Variants in TSEN15 observed in about 807,000 individuals in gnomAD.
TSEN15 encodes the protein tRNA splicing endonuclease subunit 15.
A neutral mutation model predicts 20.5 loss-of-function variants in TSEN15; 10 were observed. That is an observed-to-expected ratio of 0.49 (90% confidence interval 0.30 to 0.83). The LOEUF is 0.83. TSEN15 is among the 40% of genes least tolerant of loss of function. The probability of loss-of-function intolerance (pLI) is 0.06; values close to 1 mark genes in which losing one functional copy is unlikely to be tolerated. For missense variants in TSEN15, 180 were observed against 218.6 expected (o/e 0.82, Z 1.11); for synonymous variants, 72 against 80.1 (o/e 0.90, Z 0.54).
downstream of TSEN15, among the ~76,000 whole-genome samples, chr1:184,075,894 A>T (rs998188729): frequency 2.4e-4 from 29 of 123,196 alleles, no homozygotes; most frequent in Non-Finnish European, 4.3e-4. Context: ...GGTGGGTTTT[A>T]TATATATATA....
At chr1:184,080,145 G>T (rs1268475768) in intron 3 of TSEN15, among the ~76,000 whole-genome samples, 1 of 152,044 alleles carries the variant, frequency 6.6e-6, no homozygotes, top group Admixed American at 6.6e-5. Context: ...GAAAATCTAG[G>T]TACAAAATAA....
intron 3 of TSEN15, among the ~76,000 whole-genome samples, chr1:184,080,757 A>G (rs1014456597): frequency 6.6e-6 from 1 of 152,162 alleles, no homozygotes; most frequent in Non-Finnish European, 1.5e-5. Flanking sequence ...TTGACACTAA[A>G]TTTTGTGCTG....
At chr1:184,055,759 A>G (rs1269292170) in intron 3 of TSEN15, among the ~76,000 whole-genome samples, 2 of 152,134 alleles carry the variant, frequency 1.3e-5, no homozygotes, top group African/African-American at 2.4e-5. Context: ...TACTCTCATT[A>G]TTAGTTCATG....
At chr1:184,066,625 C>T (rs1650672034) in intron 3 of TSEN15, among the ~76,000 whole-genome samples, 1 of 152,126 alleles carries the variant, frequency 6.6e-6, no homozygotes, top group African/African-American at 2.4e-5. Context: ...AGGCTGGTCT[C>T]AAACTCCTAA....
chr1:184,078,777 ATTTTTAT>A (rs1651110496), downstream of TSEN15, among the ~76,000 whole-genome samples: 1 of 152,132 alleles, frequency 6.6e-6, no homozygotes, highest in Non-Finnish European at 1.5e-5. Flanking sequence ...CAGCATTTTT[ATTTTTAT>A]TTTTTATTTT....
intron 3 of TSEN15, among the ~76,000 whole-genome samples, chr1:184,085,357 G>C (rs1651241566): frequency 6.6e-6 from 1 of 152,106 alleles, no homozygotes. Context: ...TATTACAGTG[G>C]GGGATATAAG....
At chr1:184,051,971 T>G in intron 1 of TSEN15, 81 bp downstream of exon 1, 1 of 1,296,590 alleles carries the variant, frequency 7.7e-7, no homozygotes, top group Non-Finnish European at 9.9e-7. Context: ...TCTTTCTTTC[T>G]TCCTCAGTGG....
intron 3 of TSEN15, among the ~76,000 whole-genome samples, chr1:184,080,053 C>T (rs2102900587): frequency 6.6e-6 from 1 of 152,114 alleles, no homozygotes; most frequent in South Asian, 2.1e-4. Flanking sequence ...ATTATTTGTC[C>T]CAAAGTACTC....
At chr1:184,052,188 G>A (rs889387978) in intron 1 of TSEN15, among the ~76,000 whole-genome samples, 2 of 152,168 alleles carry the variant, frequency 1.3e-5, no homozygotes, top group East Asian at 1.9e-4. Flanking sequence ...TGCTGTCTAG[G>A]TAAATCCCCT....
intron 3 of TSEN15, among the ~76,000 whole-genome samples, chr1:184,061,666 A>G (rs1334589591): frequency 6.6e-6 from 1 of 152,056 alleles, no homozygotes; most frequent in African/African-American, 2.4e-5. Flanking sequence ...ATGGTTTATT[A>G]TTTATTTTAT....
rs547839089 is a variant in TSEN15, at chr1:184,084,421, A to ATATTATCCATAAATCCTTTTGAT, written c.354-11221_354-11199dup. Among the ~76,000 whole-genome samples the ATATTATCCATAAATCCTTTTGAT allele has an allele frequency of 1.7e-3, 263 of 151,086 alleles. 7 individuals carry two copies. The highest frequency in any genetic ancestry group is 5.9e-3 in the African/African-American group (242 of 40,920). The stretch of plus-strand genomic sequence containing the variant: ...CCATCCCACCTATGATGGTTTTAAG[A>ATATTATCCATAAATCCTTTTGAT]TATTATCCATAAATCCTTTTGATTA... On this transcript the variant is annotated intron_variant, in intron 3 of 3. Coordinates refer to the TSEN15 transcript ENST00000643231.
intron 3 of TSEN15, among the ~76,000 whole-genome samples, chr1:184,057,115 C>T (rs989406144): frequency 2.0e-5 from 3 of 152,146 alleles, no homozygotes; most frequent in Non-Finnish European, 4.4e-5. Context: ...ACTGTGGCTT[C>T]TATCTTGGGC....
intron 1 of TSEN15, among the ~76,000 whole-genome samples, chr1:184,053,799 T>C (rs916728403): frequency 3.3e-5 from 5 of 152,220 alleles, no homozygotes; most frequent in Non-Finnish European, 5.9e-5. Context: ...GGACTGATAC[T>C]CTAGCAGATT....
chr1:184,087,480 C>A (rs1557890770), intron 3 of TSEN15, among the ~76,000 whole-genome samples: 1 of 152,162 alleles, frequency 6.6e-6, no homozygotes, highest in Admixed American at 6.5e-5. Context: ...ATTGTCCAAA[C>A]AGAGGGCCCA....
At chr1:184,069,185 A>G (rs908548493) in intron 3 of TSEN15, among the ~76,000 whole-genome samples, 1 of 152,172 alleles carries the variant, frequency 6.6e-6, no homozygotes, top group Non-Finnish European at 1.5e-5. Flanking sequence ...GAGCTCCTCT[A>G]TGAACAGTTA....
intron 1 of TSEN15, 49 bp from the exon 2 acceptor site, chr1:184,054,305 A>G (rs1353049756): frequency 1.9e-5 from 23 of 1,212,296 alleles, no homozygotes; most frequent in Middle Eastern, 3.9e-4. Context: ...GGAAGAAAAT[A>G]TTAAATAATT....
chr1:184,090,490 A>G (rs538314373), intron 3 of TSEN15, among the ~76,000 whole-genome samples: 2 of 152,338 alleles, frequency 1.3e-5, no homozygotes, highest in East Asian at 3.9e-4. Flanking sequence ...AGTAGAGTTG[A>G]TATAAACAAA....
chr1:184,072,747 C>T lies in TSEN15; in HGVS notation c.496-80C>T, dbSNP rs567226414. On this transcript the variant is annotated intron_variant, in intron 4 of 4. Transcript: ENST00000645668. ...TTTGTTGGTATAATTTGGATAATTA[C>T]ATTAAATATCTTTCTAATTTTGCTT... 1.8e-5 allele frequency: 22 copies of T among 1,193,922 alleles called. No individual in the cohort carries two copies. In the Admixed American group the frequency reaches 2.8e-4, roughly 15 times the overall value. The allele number at this position is 1,193,922 out of a possible 1,614,324, so 74.0% of individuals were successfully genotyped here.
rs192099886 is a variant in TSEN15, at chr1:184,070,624, G to T, written c.354-1533G>T. 8 of 1,275,878 alleles carry T rather than the reference G, an allele frequency of 6.3e-6. No homozygotes were observed. The African/African-American group carries it at 1.1e-4, about 17-fold the overall frequency. The allele number at this position is 1,275,878 out of a possible 1,614,324, so 79.0% of individuals were successfully genotyped here. A position where few individuals can be genotyped will look rare whatever the true frequency, so the allele number is the denominator to read the frequency against. ...TATTATTATTAATTTAGATATTGGC[G>T]TGCCACTTTTGAAGAAGGAAAATAC... is the stretch of plus-strand genomic sequence containing the variant. On this transcript the variant is annotated intron_variant, in intron 3 of 4. Transcript: ENST00000645668.
Sources: gnomAD v4.1 joint callset for allele counts (sites outside exome capture counted in the v4.1 genomes callset) on GRCh38, gnomAD v4.1.1 for gene constraint, MANE v1.5 for transcripts, NCBI Gene and HGNC (gene_info 2026-07-23, HGNC 2026-07-21) for gene names.